The following LGR4 variants were observed in gnomAD, a reference collection of about 807,000 sequenced individuals.
LGR4 encodes the protein leucine-rich repeat-containing G protein-coupled receptor 4.
LGR4 carries 44 observed loss-of-function variants against 84.8 expected under a neutral mutation model. That is an observed-to-expected ratio of 0.52 (90% CI 0.41 to 0.67). The LOEUF (loss-of-function observed/expected upper bound fraction) is 0.67. Ranked by LOEUF, LGR4 falls within the 30% of genes least tolerant of loss-of-function variation. The probability of loss-of-function intolerance (pLI) is 0.00; values close to 1 mark genes in which losing one functional copy is unlikely to be tolerated. For synonymous variants in LGR4, 429 were observed against 434.3 expected (o/e 0.99, Z 0.15); for missense variants, 1,032 against 1,131.4 (o/e 0.91, Z 1.26).
chr11:27,436,113 G>A (rs111496120), intron 1 of LGR4, among the ~76,000 whole-genome samples: 11,128 of 151,518 alleles, frequency 0.073, 1,194 homozygotes, highest in African/African-American at 0.24. Context: ...GGGTTTCACC[G>A]TGTTAGCCAG....
rs766512018 is a variant in LGR4 at position 27,367,865 on chromosome 11, GTTCAGTCTTTAACTCTTGGTAGA to G, written c.2835_*1del. The G allele has an allele frequency of 4.4e-6, 7 of 1,577,344 alleles. No individual in the cohort carries two copies. The Admixed American group carries it at 9.6e-5, about 22-fold the overall frequency. On this transcript the variant is annotated stop_lost and 3_prime_UTR_variant, in exon 18 of 18. Transcript: ENST00000379214. The stretch of plus-strand genomic sequence containing the variant: ...GGGGGAAACGGTTACACACACAGTA[GTTCAGTCTTTAACTCTTGGTAGA>G]TTGTAAGCATAGCGCACCAAAGGGA...
At chr11:27,461,917 C>G (rs966538901) in intron 1 of LGR4, among the ~76,000 whole-genome samples, 40 of 150,514 alleles carry the variant, frequency 2.7e-4, no homozygotes, top group African/African-American at 9.3e-4. Flanking sequence ...GCAACCTCCC[C>G]CTCCCGGATT....
At chr11:27,421,038 A>G (rs1863915672) in intron 1 of LGR4, among the ~76,000 whole-genome samples, 1 of 152,222 alleles carries the variant, frequency 6.6e-6, no homozygotes, top group African/African-American at 2.4e-5. Context: ...CTTTATTCTA[A>G]AAGTGTGGAA....
intron 14 of LGR4, 30 bp downstream of exon 14, chr11:27,373,945 C>G: frequency 6.8e-7 from 1 of 1,468,702 alleles, no homozygotes; most frequent in Non-Finnish European, 9.5e-7. Flanking sequence ...TTACTACTTT[C>G]ATGACATTAC....
intron 6 of LGR4, 114 bp from the exon 7 acceptor site, chr11:27,382,370 T>A (rs777132174): frequency 7.5e-6 from 5 of 662,466 alleles, no homozygotes; most frequent in Non-Finnish European, 1.3e-5. Flanking sequence ...TGGTAATCTT[T>A]CTTTATCAAC....
rs117543292 is a variant in LGR4 at position 27,377,180 on chromosome 11, C to A, written c.1087G>T (p.Gly363Cys). ...NNIRDLPSFNGCHALEEISLQ... is the reference protein window; with the variant it reads ...NNIRDLPSFNCCHALEEISLQ... Reference sequence around the variant, plus strand: ...CACATTTCTTCCAGAGCATGGCAACCATTAAAACTTGGAAGGTCTCTTATA... The same window carrying A: ...CACATTTCTTCCAGAGCATGGCAACAATTAAAACTTGGAAGGTCTCTTATA... Residue 363 changes from glycine (G) to cysteine (C), a missense_variant, in exon 12 of 18, where the codon GGT (glycine) becomes TGT (cysteine). Physicochemically the swap from Gly to Cys is radical, Grantham distance 159 (BLOSUM62 -3). Transcript: ENST00000379214. 0.011 allele frequency: 17,111 copies of A among 1,591,468 alleles called. 212 individuals are homozygous for A. The highest frequency in any genetic ancestry group is 0.048 in the South Asian group (4,240 of 89,156).
intron 1 of LGR4, among the ~76,000 whole-genome samples, chr11:27,445,816 G>T (rs562748583): frequency 1.3e-5 from 2 of 152,168 alleles, no homozygotes; most frequent in South Asian, 4.2e-4. Flanking sequence ...GGTGAAGGTT[G>T]CAGTGAGCTG....
intron 2 of LGR4, among the ~76,000 whole-genome samples, chr11:27,396,731 T>A (rs1280123168): frequency 6.6e-6 from 1 of 152,160 alleles, no homozygotes; most frequent in African/African-American, 2.4e-5. Context: ...ACCTTTTTCA[T>A]TGACTAAATC....
intron 2 of LGR4, among the ~76,000 whole-genome samples, chr11:27,412,454 A>G (rs376974675): frequency 2.6e-5 from 4 of 152,130 alleles, no homozygotes; most frequent in East Asian, 1.9e-4. Flanking sequence ...CCTTGGTAAC[A>G]ATGGTAATTA....
intron 17 of LGR4, among the ~76,000 whole-genome samples, chr11:27,369,704 T>A (rs1048043630): frequency 5.9e-5 from 9 of 152,234 alleles, no homozygotes; most frequent in Admixed American, 5.9e-4. Context: ...AGCTCCCTTT[T>A]CTTCTTCCTT....
intron 2 of LGR4, among the ~76,000 whole-genome samples, chr11:27,404,134 T>C (rs1254741574): frequency 6.6e-6 from 1 of 152,206 alleles, no homozygotes; most frequent in Non-Finnish European, 1.5e-5. Context: ...GTCAGTACTA[T>C]ATTTAGCCAA....
intron 1 of LGR4, among the ~76,000 whole-genome samples, chr11:27,444,222 T>A (rs1166372679): frequency 6.6e-6 from 1 of 152,206 alleles, no homozygotes; most frequent in African/African-American, 2.4e-5. Flanking sequence ...GCAAGTTCTT[T>A]CCATTTCAGG....
intron 13 of LGR4, among the ~76,000 whole-genome samples, chr11:27,376,007 A>C (rs1488091662): frequency 7.0e-6 from 1 of 143,542 alleles, no homozygotes; most frequent in African/African-American, 2.6e-5. Flanking sequence ...ACGGAGTTTC[A>C]CTCTTCTTTT....
At chr11:27,374,184 T>A (rs1357809591) in intron 13 of LGR4, 138 bp from the exon 14 acceptor site, 1 of 671,726 alleles carries the variant, frequency 1.5e-6, no homozygotes, top group Non-Finnish European at 2.7e-6. Context: ...TGGCCAGCAA[T>A]ATTTTTTCAT....
chr11:27,403,155 T>C (rs1311557613), intron 2 of LGR4, among the ~76,000 whole-genome samples: 4 of 152,142 alleles, frequency 2.6e-5, no homozygotes, highest in Non-Finnish European at 5.9e-5. Flanking sequence ...GTACATCCAA[T>C]AAACAAAGAC....
In LGR4 at chr11:27,472,381, G is replaced by A; in HGVS notation, c.-79C>T. On this transcript the variant is annotated 5_prime_UTR_variant, in exon 1 of 18. Coordinates refer to ENST00000379214, the MANE Select transcript of LGR4 (RefSeq NM_018490.5). ...CCCTCCGATGTCCCCCGCCGCCCCC[G>A]GGCAGCCGGCCTGCGGGCTGGAGCG... is the stretch of plus-strand genomic sequence containing the variant. The A allele has an allele frequency of 1.8e-6, 2 of 1,119,834 alleles. No homozygotes were observed. The highest frequency in any genetic ancestry group is 1.1e-6 in the Non-Finnish European group (1 of 894,868). 69.4% of individuals were successfully genotyped at this position (1,119,834 alleles called of 1,614,324 possible). A position where few individuals can be genotyped will look rare whatever the true frequency, so the allele number is the denominator to read the frequency against.
chr11:27,378,661 A>T, intron 11 of LGR4, 36 bp downstream of exon 11: 2 of 1,391,452 alleles, frequency 1.4e-6, no homozygotes, highest in Non-Finnish European at 2.0e-6. Flanking sequence ...ATATAAACAA[A>T]AGGTATGAGG....
chr11:27,461,936 T>G (rs1424660411), intron 1 of LGR4, among the ~76,000 whole-genome samples: 3 of 146,368 alleles, frequency 2.0e-5, no homozygotes, highest in African/African-American at 5.1e-5. Flanking sequence ...TTCAGGCAAT[T>G]CTCCTGCCTC....
intron 1 of LGR4, among the ~76,000 whole-genome samples, chr11:27,442,426 C>T (rs971744191): frequency 5.3e-5 from 8 of 152,108 alleles, no homozygotes; most frequent in Non-Finnish European, 8.8e-5. Flanking sequence ...CCTACCTTGC[C>T]GCAAAACTTT....
Sources: allele counts gnomAD v4.1 joint callset (sites outside exome capture counted in the v4.1 genomes callset), GRCh38; gene constraint gnomAD v4.1.1; transcripts MANE v1.5; gene names NCBI Gene and HGNC (gene_info 2026-07-23, HGNC 2026-07-21).